Variants in KIAA1217 observed in about 807,000 individuals in gnomAD.
KIAA1217 encodes KIAA1217.
A neutral mutation model predicts 163.9 loss-of-function variants in KIAA1217; 88 were observed. The ratio of observed to expected loss-of-function variants is 0.54; its 90% CI spans 0.45 to 0.64. The LOEUF (loss-of-function observed/expected upper bound fraction) is 0.64, where lower values mean the gene tolerates loss of function less well. KIAA1217 is among the 30% of genes least tolerant of loss of function. The probability of loss-of-function intolerance (pLI) is 0.00; values close to 1 mark genes in which losing one functional copy is unlikely to be tolerated. For synonymous variants in KIAA1217, 903 were observed against 923.1 expected (o/e 0.98, Z 0.39); for missense variants, 2,372 against 2,475.0 (o/e 0.96, Z 0.88).
At chr10:24,328,779 C>G (rs1324842347) in intron 2 of KIAA1217, among the ~76,000 whole-genome samples, 1 of 151,756 alleles carries the variant, frequency 6.6e-6, no homozygotes, top group East Asian at 1.9e-4. Flanking sequence ...TAGTTTGATT[C>G]TATGCACTGA....
intron 2 of KIAA1217, among the ~76,000 whole-genome samples, chr10:24,268,500 C>A (rs201768415): frequency 6.6e-6 from 1 of 150,656 alleles, no homozygotes; most frequent in African/African-American, 2.5e-5. Flanking sequence ...AAATCAAAAC[C>A]ACTATGAGGT....
At chr10:24,347,239 G>A (rs569654478) in intron 2 of KIAA1217, among the ~76,000 whole-genome samples, 10 of 152,252 alleles carry the variant, frequency 6.6e-5, no homozygotes, top group South Asian at 2.1e-4. Context: ...TGTGTTTTTC[G>A]TGGTCATTTT....
intron 1 of KIAA1217, among the ~76,000 whole-genome samples, chr10:23,892,046 A>G (rs1841439749): frequency 6.6e-6 from 1 of 152,090 alleles, no homozygotes; most frequent in East Asian, 1.9e-4. Flanking sequence ...GTACATATAT[A>G]TTTACAGATA....
intron 3 of KIAA1217, among the ~76,000 whole-genome samples, chr10:24,416,220 C>T (rs551829071): frequency 1.3e-5 from 2 of 152,180 alleles, no homozygotes; most frequent in Non-Finnish European, 2.9e-5. Context: ...AAAAGTTGTT[C>T]CCCAATATAT....
rs116537217 is a variant in KIAA1217, at chr10:23,744,026, T to C, written c.-321+48792T>C. Among the ~76,000 whole-genome samples, 1,006 of 152,208 alleles carry C rather than the reference T, an allele frequency of 6.6e-3. 12 individuals carry two copies. The highest frequency in any genetic ancestry group is 0.023 in the African/African-American group (970 of 41,512). ...GCTGGAAGGAGAGATAGTTTTCTAG[T>C]AGAAAAGTGGAAGAACACATCCCAC... On this transcript the variant is annotated intron_variant, in intron 1 of 18. Transcript: ENST00000376462.
intron 2 of KIAA1217, among the ~76,000 whole-genome samples, chr10:24,053,289 T>C (rs1231361801): frequency 6.6e-6 from 1 of 152,144 alleles, no homozygotes; most frequent in Non-Finnish European, 1.5e-5. Context: ...ATATTTTGTA[T>C]TTCTGGGTAA....
chr10:23,996,402 G>T (rs1303865770), intron 1 of KIAA1217, among the ~76,000 whole-genome samples: 1 of 152,154 alleles, frequency 6.6e-6, no homozygotes, highest in African/African-American at 2.4e-5. Context: ...GGAAAGGGGA[G>T]CACTGGGCCG....
intron 1 of KIAA1217, among the ~76,000 whole-genome samples, chr10:23,719,862 C>G (rs530020428): frequency 2.0e-5 from 3 of 151,830 alleles, no homozygotes; most frequent in African/African-American, 7.3e-5. Flanking sequence ...TGCAGTGAGC[C>G]GAGATCGCGC....
rs2069503463 is a variant in KIAA1217, at chr10:24,513,295, A to G, written c.2038A>G (p.Lys680Glu). Reference protein sequence around the residue: ...NQELLRAMMKKAELEISGKVM... With the variant: ...NQELLRAMMKEAELEISGKVM... ...GGAGTTGCTGAGGGCAATGATGAAGAAGGCCGAGCTGGAAATCAGTGGCAA... is the reference window on the plus strand; with the variant it reads ...GGAGTTGCTGAGGGCAATGATGAAGGAGGCCGAGCTGGAAATCAGTGGCAA... Residue 680 changes from lysine (K) to glutamate (E), a missense_variant, in exon 10 of 21, where the codon AAG becomes GAG. By Grantham distance (56) the Lys-to-Glu change is moderately conservative. This residue lies in a region of KIAA1217 where 1,431 missense variants were observed against 1,470.3 expected (regional missense o/e 0.97). Coordinates refer to ENST00000376454, the MANE Select transcript of KIAA1217 (RefSeq NM_019590.5). 1 of 1,614,196 alleles carries G rather than the reference A, an allele frequency of 6.2e-7. No individual in the cohort carries two copies. The highest frequency in any genetic ancestry group is 8.5e-7 in the Non-Finnish European group (1 of 1,180,028).
intron 2 of KIAA1217, among the ~76,000 whole-genome samples, chr10:24,332,599 G>C (rs1202325669): frequency 6.6e-6 from 1 of 152,136 alleles, no homozygotes; most frequent in African/African-American, 2.4e-5. Flanking sequence ...AAAAGTGAAA[G>C]ATGTAACCTA....
At chr10:23,849,289 G>C (rs1318272549) in intron 1 of KIAA1217, among the ~76,000 whole-genome samples, 1 of 151,982 alleles carries the variant, frequency 6.6e-6, no homozygotes, top group African/African-American at 2.4e-5. Context: ...TATTTTCTGG[G>C]AACCAGTTTT....
intron 2 of KIAA1217, among the ~76,000 whole-genome samples, chr10:24,309,491 C>T (rs887632278): frequency 6.6e-6 from 1 of 152,144 alleles, no homozygotes; most frequent in Non-Finnish European, 1.5e-5. Flanking sequence ...ACCCCTTTAA[C>T]CTTTCTTTTA....
chr10:23,907,321 T>TGA (rs1271066827), intron 1 of KIAA1217, among the ~76,000 whole-genome samples: 1 of 150,120 alleles, frequency 6.7e-6, no homozygotes, highest in South Asian at 2.1e-4. Flanking sequence ...TGTGTGTGTA[T>TGA]GAGAGAGAGA....
chr10:24,351,350 C>T (rs1027056739), intron 2 of KIAA1217, among the ~76,000 whole-genome samples: 1 of 152,186 alleles, frequency 6.6e-6, no homozygotes, highest in Non-Finnish European at 1.5e-5. Flanking sequence ...TTCTTCCCTG[C>T]CCTGGGCTTT....
At chr10:23,831,880 A>G (rs886808430) in intron 1 of KIAA1217, among the ~76,000 whole-genome samples, 2 of 152,250 alleles carry the variant, frequency 1.3e-5, no homozygotes, top group African/African-American at 2.4e-5. Flanking sequence ...TGTTCTCACT[A>G]ATGATTGATT....
chr10:24,050,976 G>A (rs190584402), intron 2 of KIAA1217, among the ~76,000 whole-genome samples: 2 of 152,104 alleles, frequency 1.3e-5, no homozygotes, highest in East Asian at 3.9e-4. Flanking sequence ...TTGGTTGCAT[G>A]GAAAAGTTCT....
chr10:23,720,552 A>G (rs1837822221), intron 1 of KIAA1217, among the ~76,000 whole-genome samples: 1 of 152,138 alleles, frequency 6.6e-6, no homozygotes, highest in African/African-American at 2.4e-5. Flanking sequence ...GTGGCATAAG[A>G]GGCGGGATAT....
intron 1 of KIAA1217, among the ~76,000 whole-genome samples, chr10:23,734,775 G>C (rs909824292): frequency 5.9e-5 from 9 of 152,028 alleles, no homozygotes; most frequent in Non-Finnish European, 2.9e-5. Context: ...TATTTATCAT[G>C]ATAAATTTTC....
At chr10:23,832,068 G>A (rs2131042183) in intron 1 of KIAA1217, among the ~76,000 whole-genome samples, 1 of 152,224 alleles carries the variant, frequency 6.6e-6, no homozygotes, top group East Asian at 1.9e-4. Context: ...TCTACCTGGA[G>A]ATAGTGTCAG....
Sources: gnomAD v4.1 joint callset for allele counts (sites outside exome capture counted in the v4.1 genomes callset) on GRCh38, gnomAD v4.1.1 for gene constraint, gnomAD v4.1.1 regional missense constraint, MANE v1.5 for transcripts, NCBI Gene and HGNC (gene_info 2026-07-23, HGNC 2026-07-21) for gene names.